Variants in PHRF1 observed in about 807,000 individuals in gnomAD.
The protein encoded by PHRF1 is PHD and ring finger domains 1, also known as PHD and RING finger domain-containing protein 1.
PHRF1 carries 53 observed loss-of-function variants against 128.9 expected under a neutral mutation model. The observed-to-expected ratio is 0.41, with a 90% confidence interval of 0.33 to 0.52. The LOEUF (loss-of-function observed/expected upper bound fraction) is 0.52. Ranked by LOEUF, PHRF1 falls within the 20% of genes least tolerant of loss-of-function variation. The pLI is 0.21. For missense variants in PHRF1, 2,503 were observed against 2,284.5 expected (o/e 1.10, Z -1.95); for synonymous variants, 1,178 against 980.6 (o/e 1.20, Z -3.76).
At chr11:602,804 C>G (rs1855715097) in intron 10 of PHRF1, among the ~76,000 whole-genome samples, 1 of 150,644 alleles carries the variant, frequency 6.6e-6, no homozygotes, top group Non-Finnish European at 1.5e-5. Flanking sequence ...CACTCTGTCC[C>G]CACGCTGGAG....
At chr11:585,745 A>T (rs996358170) in intron 3 of PHRF1, among the ~76,000 whole-genome samples, 3 of 142,480 alleles carry the variant, frequency 2.1e-5, no homozygotes, top group Non-Finnish European at 4.5e-5. Flanking sequence ...CAGCAGCACG[A>T]TCTCAGTTCA....
At chr11:603,539 TC>T in intron 10 of PHRF1, among the ~76,000 whole-genome samples, 1 of 152,192 alleles carries the variant, frequency 6.6e-6, no homozygotes, top group South Asian at 2.1e-4. Flanking sequence ...CTCACTGCGT[TC>T]CCCAAGCTGG....
intron 3 of PHRF1, among the ~76,000 whole-genome samples, chr11:586,922 G>T (rs182971394): frequency 9.9e-4 from 151 of 152,286 alleles, no homozygotes; most frequent in Admixed American, 5.1e-3. Flanking sequence ...GAACCTGATG[G>T]TCTCTGGGAC....
chr11:587,179 C>T, intron 3 of PHRF1, 80 bp from the exon 4 acceptor site: 3 of 1,410,354 alleles, frequency 2.1e-6, no homozygotes, highest in Non-Finnish European at 2.9e-6. Context: ...GTCCTGAGCG[C>T]AGCCTGGGCC....
In PHRF1 at chr11:610,752, G is replaced by A. The variant is rs1486756785; in HGVS notation, c.4668G>A (p.Lys1556=). The A allele has an allele frequency of 6.2e-7, 1 of 1,601,172 alleles. No individual in the cohort carries two copies. Residue 1556 remains lysine, a synonymous_variant, in exon 16 of 18, where the codon AAG becomes AAA. Transcript: ENST00000264555. ...CCAGGCTAGCTGCGGAGAAAACCAA[G>A]AAGGAGGAGGTGAGTCCTGCCTCCT... ...PAPRLAAEKT[K]KEEYMKKLHM...
intron 4 of PHRF1, among the ~76,000 whole-genome samples, chr11:590,281 C>T (rs936859191): frequency 6.6e-6 from 1 of 152,188 alleles, no homozygotes; most frequent in African/African-American, 2.4e-5. Flanking sequence ...GGGTGTTTAC[C>T]CAAGAGAAAC....
Position 610,739 on chromosome 11 carries a change from C to G in PHRF1, c.4655C>G (p.Ala1552Gly). ...EEKTPAPRLA[A>G]EKTKKEEYMK... ...AAGACCCCGGCCCCCAGGCTAGCTG[C>G]GGAGAAAACCAAGAAGGAGGAGGTG... is the stretch of plus-strand genomic sequence containing the variant. The change falls in exon 16 of 18, where the codon GCG becomes GGG. Residue 1552 changes from alanine to glycine, a missense_variant. Physicochemically the swap from Ala to Gly is moderately conservative, Grantham distance 60. Coordinates refer to ENST00000264555, the MANE Select transcript of PHRF1 (RefSeq NM_001286581.2). The G allele has an allele frequency of 3.1e-6, 5 of 1,601,540 alleles. No homozygotes were observed. The highest frequency in any genetic ancestry group is 4.2e-6 in the Non-Finnish European group (5 of 1,179,750).
Position 592,614 on chromosome 11 carries a change from A to C in PHRF1, c.560A>C (p.Glu187Ala). The C allele has an allele frequency of 6.2e-7, 1 of 1,614,026 alleles. No individual in the cohort carries two copies. ...GAGGAGGAGGACCCGACCTTCTGTG[A>C]GGTGTGCGGCAGGAGCGACCGTGAG... The part of the protein sequence containing the change: ...SEEEEDPTFC[E>A]VCGRSDREDR... The change falls in exon 6 of 18, where the codon GAG becomes GCG. Residue 187 changes from glutamate (E) to alanine (A), a missense_variant. Transcript: ENST00000264555.
Position 610,738 on chromosome 11 carries a change from G to T in PHRF1, c.4654G>T (p.Ala1552Ser), listed in dbSNP as rs1856324241. 2 of 1,601,526 alleles carry T rather than the reference G, an allele frequency of 1.2e-6. No individual in the cohort carries two copies. Among genetic ancestry groups the T allele is most frequent in the African/African-American group, 1.3e-5 (1 of 74,934 alleles). Reference sequence around the variant, plus strand: ...GAAGACCCCGGCCCCCAGGCTAGCTGCGGAGAAAACCAAGAAGGAGGAGGT... The same window carrying T: ...GAAGACCCCGGCCCCCAGGCTAGCTTCGGAGAAAACCAAGAAGGAGGAGGT... The part of the protein sequence containing the change: ...EEKTPAPRLA[A>S]EKTKKEEYMK... Residue 1552 changes from alanine to serine, a missense_variant, in exon 16 of 18, where the codon GCG (alanine) becomes TCG (serine). Transcript: ENST00000264555.
chr11:605,660 C>G lies in PHRF1; in HGVS notation c.1390C>G (p.Leu464Val), dbSNP rs1475925118. ...LSPLSAKRRALSRSALQSHQP... is the reference protein window; with the variant it reads ...LSPLSAKRRAVSRSALQSHQP... ...CCCTCTGAGTGCCAAGAGACGGGCT[C>G]TGTCCCGGTCAGCCCTGCAGTCCCA... Residue 464 changes from leucine to valine, a missense_variant, in exon 12 of 18, where the codon CTG (leucine) becomes GTG (valine). By Grantham distance (32) the Leu-to-Val change is conservative. Coordinates refer to ENST00000264555, the MANE Select transcript of PHRF1 (RefSeq NM_001286581.2). The G allele has an allele frequency of 6.2e-7, 1 of 1,613,630 alleles. No individual in the cohort carries two copies. The highest frequency in any genetic ancestry group is 8.5e-7 in the Non-Finnish European group (1 of 1,179,882).
intron 3 of PHRF1, among the ~76,000 whole-genome samples, chr11:583,145 T>C (rs544056047): frequency 0.016 from 2,481 of 151,114 alleles, 57 homozygotes; most frequent in African/African-American, 0.054. Context: ...TCGAGACCAT[T>C]GTGGCTAACA....
At chr11:602,456 G>A (rs901090538) in intron 10 of PHRF1, among the ~76,000 whole-genome samples, 6 of 152,048 alleles carry the variant, frequency 3.9e-5, no homozygotes, top group South Asian at 4.1e-4. Flanking sequence ...TGAGGCGGAC[G>A]GATCACCTGA....
At position 611,933 on chromosome 11, in the gene PHRF1, G is replaced by A. The variant is rs928520391; in HGVS notation, c.*156G>A. 4.0e-6 allele frequency: 5 copies of A among 1,249,902 alleles called. No individual in the cohort carries two copies. The Admixed American group carries it at 7.8e-5, about 20-fold the overall frequency. The allele number at this position is 1,249,902 out of a possible 1,614,324, so 77.4% of individuals were successfully genotyped here. ...GGGGGGCATCACCATGCCTGCCGTCGGGTTCCTGCGCTGACACCTGGTCTG... is the reference window on the plus strand; with the variant it reads ...GGGGGGCATCACCATGCCTGCCGTCAGGTTCCTGCGCTGACACCTGGTCTG... On this transcript the variant is annotated 3_prime_UTR_variant, in exon 18 of 18. Coordinates refer to ENST00000264555, the MANE Select transcript of PHRF1 (RefSeq NM_001286581.2).
At chr11:578,569 C>T (rs372660676) in intron 1 of PHRF1, among the ~76,000 whole-genome samples, 1 of 152,238 alleles carries the variant, frequency 6.6e-6, no homozygotes, top group Admixed American at 6.5e-5. Context: ...CCACCTAACC[C>T]TTGGAGGTGG....
chr11:596,561 C>T (rs936888813), intron 6 of PHRF1, among the ~76,000 whole-genome samples: 3 of 152,180 alleles, frequency 2.0e-5, no homozygotes, highest in Admixed American at 6.5e-5. Context: ...GGCTGGGCAG[C>T]GTAAACCGCA....
chr11:581,813 T>C lies in PHRF1; in HGVS notation c.95-149T>C. 3.2e-6 allele frequency: 4 copies of C among 1,235,794 alleles called. No individual in the cohort carries two copies. The South Asian group carries it at 6.4e-5, about 20-fold the overall frequency. 76.6% of individuals were successfully genotyped at this position (1,235,794 alleles called of 1,614,324 possible). On this transcript the variant is annotated intron_variant, in intron 2 of 17. Coordinates refer to ENST00000264555, the MANE Select transcript of PHRF1 (RefSeq NM_001286581.2). ...TTGAACGAAAGGATGTTCCCTTTCC[T>C]TGCTTGTGCCCCCACCTTGCCGGCC...
Position 597,825 on chromosome 11 carries a change from G to A in PHRF1, c.894+255G>A, listed in dbSNP as rs1253465682. ...GAAGCCTGGCCCTGGCGGGGTGGGG[G>A]CTCTAGGAAACCCCCCTTGTTCCCC... On this transcript the variant is annotated intron_variant, in intron 8 of 17. Transcript: ENST00000264555. The surrounding 1 kb of genome is among the most constrained non-coding windows in gnomAD (Gnocchi z 6.5). 6.6e-6 allele frequency among the ~76,000 whole-genome samples: 1 copy of A among 152,134 alleles called. No homozygotes were observed. Among genetic ancestry groups the A allele is most frequent in the Non-Finnish European group, 1.5e-5 (1 of 67,986 alleles).
At chr11:578,466 G>C (rs1854015785) in intron 1 of PHRF1, among the ~76,000 whole-genome samples, 1 of 152,168 alleles carries the variant, frequency 6.6e-6, no homozygotes, top group African/African-American at 2.4e-5. Context: ...TCCTGAGCTG[G>C]TATTTCTGGC....
At chr11:579,594 T>C (rs1427890020) in intron 1 of PHRF1, among the ~76,000 whole-genome samples, 1 of 152,162 alleles carries the variant, frequency 6.6e-6, no homozygotes, top group Non-Finnish European at 1.5e-5. Flanking sequence ...CCAGTGTCTC[T>C]AGGATTCAGG....
Sources: gnomAD v4.1 joint callset for allele counts (sites outside exome capture counted in the v4.1 genomes callset) on GRCh38, gnomAD v4.1.1 for gene constraint, Gnocchi (gnomAD v3.1) non-coding constraint, MANE v1.5 for transcripts, NCBI Gene and HGNC (gene_info 2026-07-23, HGNC 2026-07-21) for gene names.